The following DNAJC30 variants were observed in gnomAD, a reference collection of about 807,000 sequenced individuals.
DNAJC30 encodes dnaJ homolog subfamily C member 30, mitochondrial.
A neutral mutation model predicts 15.4 loss-of-function variants in DNAJC30; 16 were observed. The ratio of observed to expected loss-of-function variants is 1.04; its 90% CI spans 0.70 to 1.58. DNAJC30 has a LOEUF of 1.58. Ranked by LOEUF, DNAJC30 falls within the 40% of genes most tolerant of loss-of-function variation. The probability of loss-of-function intolerance (pLI) is 0.00; values close to 1 mark genes in which losing one functional copy is unlikely to be tolerated. For missense variants in DNAJC30, 352 were observed against 320.9 expected (o/e 1.10, Z -0.74); for synonymous variants, 161 against 140.2 (o/e 1.15, Z -1.05).
chr7:73,682,659 T>C lies in DNAJC30; in HGVS notation c.*84A>G. The C allele has an allele frequency of 6.7e-7, 1 of 1,491,064 alleles. No individual in the cohort carries two copies. Among genetic ancestry groups the C allele is most frequent in the Non-Finnish European group, 9.0e-7 (1 of 1,115,452 alleles). 92.4% of individuals were successfully genotyped at this position (1,491,064 alleles called of 1,614,324 possible). A position where few individuals can be genotyped will look rare whatever the true frequency, so the allele number is the denominator to read the frequency against. On this transcript the variant is annotated 3_prime_UTR_variant, in exon 1 of 1. Transcript: ENST00000395176. ...TTCGGATCCCAGCAAAGGTAGACTA[T>C]CAATGGCCAAGGGTTCAGAGGCAGG...
At position 73,681,340 on chromosome 7, in the gene DNAJC30, C is replaced by T. The variant is rs944126206; in HGVS notation, c.*1403G>A. 2.0e-4 allele frequency: 30 copies of T among 152,328 alleles called. No homozygotes were observed. Among genetic ancestry groups the T allele is most frequent in the African/African-American group, 6.8e-4 (28 of 41,448 alleles). The allele number at this position is 152,328 out of a possible 1,614,324, so 9.4% of individuals were successfully genotyped here. Reference sequence around the variant, plus strand: ...CCTTTAGCCTGCTCTGCGTAAAGAACCAAGTCTCCACCATGAACACCAAGC... The same window carrying T: ...CCTTTAGCCTGCTCTGCGTAAAGAATCAAGTCTCCACCATGAACACCAAGC... On this transcript the variant is annotated 3_prime_UTR_variant, in exon 1 of 1. Coordinates refer to ENST00000395176, the MANE Select transcript of DNAJC30 (RefSeq NM_032317.3).
At position 73,681,266 on chromosome 7, in the gene DNAJC30, T is replaced by C. The variant is rs781890688; in HGVS notation, c.*1477A>G. ...GCTTCAGCAGCAGCTCTGACCAAAG[T>C]GATGACCAACTACTTAACATGAATT... On this transcript the variant is annotated 3_prime_UTR_variant, in exon 1 of 1. Coordinates refer to ENST00000395176, the MANE Select transcript of DNAJC30 (RefSeq NM_032317.3). 6.6e-6 allele frequency: 1 copy of C among 152,190 alleles called. No individual in the cohort carries two copies. The highest frequency in any genetic ancestry group is 2.4e-5 in the African/African-American group (1 of 41,428). The allele number at this position is 152,190 out of a possible 1,614,324, so 9.4% of individuals were successfully genotyped here. A position where few individuals can be genotyped will look rare whatever the true frequency, so the allele number is the denominator to read the frequency against.
Position 73,682,842 on chromosome 7 carries a change from C to G in DNAJC30, c.582G>C (p.Glu194Asp), listed in dbSNP as rs1554611544. 2 of 1,614,048 alleles carry G rather than the reference C, an allele frequency of 1.2e-6. No individual in the cohort carries two copies. Among genetic ancestry groups the G allele is most frequent in the African/African-American group, 1.3e-5 (1 of 75,082 alleles). The stretch of plus-strand genomic sequence containing the variant: ...AGCGGAGGCCTTTCATGGACCGATA[C>G]TCCTGCCGTTTGCGAAGGGCCTCCC... The part of the protein sequence containing the change: ...ARREALRKRQ[E>D]YRSMKGLRWE... Residue 194 changes from glutamate to aspartate, a missense_variant, in exon 1 of 1, where the codon GAG becomes GAC. Glu to Asp is a conservative substitution (Grantham distance 45). Coordinates refer to ENST00000395176, the MANE Select transcript of DNAJC30 (RefSeq NM_032317.3).
At position 73,682,995 on chromosome 7, in the gene DNAJC30, G is replaced by T. The variant is rs782369574; in HGVS notation, c.429C>A (p.Pro143=). The T allele has an allele frequency of 1.3e-6, 2 of 1,595,668 alleles. No individual in the cohort carries two copies. Among genetic ancestry groups the T allele is most frequent in the Non-Finnish European group, 1.7e-6 (2 of 1,168,874 alleles). Residue 143 remains proline, a synonymous_variant, in exon 1 of 1, where the codon CCC becomes CCA. Coordinates refer to ENST00000395176, the MANE Select transcript of DNAJC30 (RefSeq NM_032317.3). The stretch of plus-strand genomic sequence containing the variant: ...GAGAACCGTCGTGGGTCCGAGAGGT[G>T]GGCGGCGGGGTACGCGGCGAGCCGG... ...PDPGSPRTPP[P]TSRTHDGSRA...
rs1554611282 is a variant in DNAJC30 at position 73,681,662 on chromosome 7, A to G, written c.*1081T>C. 6.6e-6 allele frequency: 1 copy of G among 152,212 alleles called. No individual in the cohort carries two copies. Among genetic ancestry groups the G allele is most frequent in the African/African-American group, 2.4e-5 (1 of 41,464 alleles). The allele number at this position is 152,212 out of a possible 1,614,324, so 9.4% of individuals were successfully genotyped here. The stretch of plus-strand genomic sequence containing the variant: ...GCTGTAATCCCTGTGGATTAGAACT[A>G]TGGATAATAGGGCCGGGAGCAGTGG... On this transcript the variant is annotated 3_prime_UTR_variant, in exon 1 of 1. Transcript: ENST00000395176.
Position 73,682,855 on chromosome 7 carries a change from C to A in DNAJC30, c.569G>T (p.Arg190Leu), listed in dbSNP as rs782615015. The A allele has an allele frequency of 1.9e-6, 3 of 1,614,084 alleles. No homozygotes were observed. In the South Asian group the frequency reaches 3.3e-5, roughly 18 times the overall value. The change falls in exon 1 of 1, where the codon CGC becomes CTC. Residue 190 changes from arginine (R) to leucine (L), a missense_variant. Transcript: ENST00000395176. Reference protein sequence around the residue: ...RRLRARREALRKRQEYRSMKG... With the variant: ...RRLRARREALLKRQEYRSMKG... ...CATGGACCGATACTCCTGCCGTTTG[C>A]GAAGGGCCTCCCGCCGGGCCCTCAG...
chr7:73,682,806 G>C lies in DNAJC30; in HGVS notation c.618C>G (p.Thr206=), dbSNP rs1554611533. The C allele has an allele frequency of 6.2e-7, 1 of 1,613,708 alleles. No homozygotes were observed. The highest frequency in any genetic ancestry group is 8.5e-7 in the Non-Finnish European group (1 of 1,179,752). ...RSMKGLRWED[T]RDTAAIFLIF... is the part of the protein sequence containing the mutation. ...TGAGGAAAATGGCAGCCGTGTCTCG[G>C]GTATCCTCCCAGCGGAGGCCTTTCA... Residue 206 remains threonine (T), a synonymous_variant, in exon 1 of 1, where the codon ACC becomes ACG. Coordinates refer to ENST00000395176, the MANE Select transcript of DNAJC30 (RefSeq NM_032317.3).
chr7:73,682,859 G>C lies in DNAJC30; in HGVS notation c.565C>G (p.Leu189Val). The C allele has an allele frequency of 6.2e-7, 1 of 1,614,090 alleles. No homozygotes were observed. The highest frequency in any genetic ancestry group is 1.1e-5 in the South Asian group (1 of 91,092). ...ERRLRARREA[L>V]RKRQEYRSMK... ...GACCGATACTCCTGCCGTTTGCGAA[G>C]GGCCTCCCGCCGGGCCCTCAGGCGC... is the stretch of plus-strand genomic sequence containing the variant. The change falls in exon 1 of 1, where the codon CTT becomes GTT. Residue 189 changes from leucine (L) to valine (V), a missense_variant. Transcript: ENST00000395176.
Position 73,683,424 on chromosome 7 carries a change from G to T in DNAJC30, c.-1C>A, listed in dbSNP as rs782145030. The T allele has an allele frequency of 1.9e-6, 3 of 1,610,526 alleles. No homozygotes were observed. The South Asian group carries it at 3.3e-5, about 18-fold the overall frequency. ...ACCATCGCCAGCGCATGGCTGCCAT[G>T]TTGAATTGATTCGGCAGGCGGTGCA... On this transcript the variant is annotated 5_prime_UTR_variant, in exon 1 of 1. Coordinates refer to ENST00000395176, the MANE Select transcript of DNAJC30 (RefSeq NM_032317.3).
rs1344228638 is a variant in DNAJC30, at chr7:73,682,538, A to C, written c.*205T>G. 1.8e-6 allele frequency: 1 copy of C among 569,158 alleles called. No homozygotes were observed. The highest frequency in any genetic ancestry group is 3.0e-5 in the East Asian group (1 of 32,998). 35.3% of individuals were successfully genotyped at this position (569,158 alleles called of 1,614,324 possible). On this transcript the variant is annotated 3_prime_UTR_variant, in exon 1 of 1. Transcript: ENST00000395176. ...CTACAGCGTGGGGCCTCTTTCTCAG[A>C]CATCGAAAGGCCTCCTTTTCTGGAC...
chr7:73,682,693 C>T lies in DNAJC30; in HGVS notation c.*50G>A. The stretch of plus-strand genomic sequence containing the variant: ...AAGGGTTCAGAGGCAGGAAAAAAGG[C>T]CGTTTCTGGGGGGTTGGCTGGGGAC... On this transcript the variant is annotated 3_prime_UTR_variant, in exon 1 of 1. Coordinates refer to ENST00000395176, the MANE Select transcript of DNAJC30 (RefSeq NM_032317.3). The T allele has an allele frequency of 1.3e-6, 2 of 1,543,502 alleles. No individual in the cohort carries two copies. Among genetic ancestry groups the T allele is most frequent in the African/African-American group, 2.8e-5 (2 of 72,434 alleles).
Position 73,683,326 on chromosome 7 carries a change from A to C in DNAJC30, c.98T>G (p.Leu33Arg), listed in dbSNP as rs1554611821. Residue 33 changes from leucine to arginine, a missense_variant, in exon 1 of 1, where the codon CTA (leucine) becomes CGA (arginine). Physicochemically the swap from Leu to Arg is moderately radical, Grantham distance 102. Transcript: ENST00000395176. Reference sequence around the variant, plus strand: ...GCCCTGGGAATAAGTCCTCGCTCCTAGGCCCAGGCTGGGTGCAGAATTTTG... The same window carrying C: ...GCCCTGGGAATAAGTCCTCGCTCCTCGGCCCAGGCTGGGTGCAGAATTTTG... The part of the protein sequence containing the change: ...FPQNSAPSLG[L>R]GARTYSQGDC... The C allele has an allele frequency of 6.2e-7, 1 of 1,613,750 alleles. No homozygotes were observed. The highest frequency in any genetic ancestry group is 1.1e-5 in the South Asian group (1 of 91,088).
At position 73,683,403 on chromosome 7, in the gene DNAJC30, T is replaced by A. The variant is rs782324380; in HGVS notation, c.21A>T (p.Arg7=). The A allele has an allele frequency of 5.0e-6, 8 of 1,611,986 alleles. No homozygotes were observed. The highest frequency in any genetic ancestry group is 1.3e-5 in the African/African-American group (1 of 74,888). Residue 7 remains arginine (R), a synonymous_variant, in exon 1 of 1, where the codon CGA becomes CGT. Coordinates refer to ENST00000395176, the MANE Select transcript of DNAJC30 (RefSeq NM_032317.3). MAAMRW[R]WWQRLLPWRL... ...TCCAAGGTAACAGCCGCTGCCACCA[T>A]CGCCAGCGCATGGCTGCCATGTTGA... is the stretch of plus-strand genomic sequence containing the variant.
chr7:73,682,530 T>C lies in DNAJC30; in HGVS notation c.*213A>G, dbSNP rs1255213369. 12 of 552,736 alleles carry C rather than the reference T, an allele frequency of 2.2e-5. No individual in the cohort carries two copies. The highest frequency in any genetic ancestry group is 3.7e-5 in the Non-Finnish European group (12 of 325,984). 34.2% of individuals were successfully genotyped at this position (552,736 alleles called of 1,614,324 possible). On this transcript the variant is annotated 3_prime_UTR_variant, in exon 1 of 1. Coordinates refer to ENST00000395176, the MANE Select transcript of DNAJC30 (RefSeq NM_032317.3). ...TCGGGACTCTACAGCGTGGGGCCTC[T>C]TTCTCAGACATCGAAAGGCCTCCTT... is the stretch of plus-strand genomic sequence containing the variant.
chr7:73,682,567 A>G lies in DNAJC30; in HGVS notation c.*176T>C. ...CGAAAGGCCTCCTTTTCTGGACCAC[A>G]GTGGAGCGATGTGCAGGTCATCGGC... On this transcript the variant is annotated 3_prime_UTR_variant, in exon 1 of 1. Coordinates refer to ENST00000395176, the MANE Select transcript of DNAJC30 (RefSeq NM_032317.3). 8 of 694,794 alleles carry G rather than the reference A, an allele frequency of 1.2e-5. No homozygotes were observed. In the South Asian group the frequency reaches 1.9e-4, roughly 16 times the overall value. 43.0% of individuals were successfully genotyped at this position (694,794 alleles called of 1,614,324 possible). A position where few individuals can be genotyped will look rare whatever the true frequency, so the allele number is the denominator to read the frequency against.
In DNAJC30 at chr7:73,682,440, G is replaced by A; in HGVS notation, c.*303C>T. 3 of 286,134 alleles carry A rather than the reference G, an allele frequency of 1.0e-5. No homozygotes were observed. The highest frequency in any genetic ancestry group is 2.0e-5 in the Non-Finnish European group (3 of 152,968). The allele number at this position is 286,134 out of a possible 1,614,324, so 17.7% of individuals were successfully genotyped here. A position where few individuals can be genotyped will look rare whatever the true frequency, so the allele number is the denominator to read the frequency against. On this transcript the variant is annotated 3_prime_UTR_variant, in exon 1 of 1. Transcript: ENST00000395176. The stretch of plus-strand genomic sequence containing the variant: ...TTCCAGAAGTTGACCACATCTGGAA[G>A]CAAGAAGACAGACTCTGGAAGAAGC...
Position 73,682,912 on chromosome 7 carries a change from T to TG in DNAJC30, c.511dup (p.His171ProfsTer110). On this transcript the variant is annotated frameshift_variant, in exon 1 of 1. Transcript: ENST00000395176. LOFTEE classifies it high-confidence loss of function. ...TTCCCGCTCCAGTTGTTCCCCGTAG[T>TG]GGGCCTGGTAGAAGGCGTCAAAGTT... 1 of 1,613,994 alleles carries TG rather than the reference T, an allele frequency of 6.2e-7. No individual in the cohort carries two copies. The highest frequency in any genetic ancestry group is 1.1e-5 in the South Asian group (1 of 91,086).
Position 73,682,722 on chromosome 7 carries a change from CCCCTT to C in DNAJC30, c.*16_*20del. On this transcript the variant is annotated 3_prime_UTR_variant, in exon 1 of 1. Transcript: ENST00000395176. ...TTCTGGGGGGTTGGCTGGGGACACT[CCCCTT>C]CCCTTCTCTCTCCGATTAAATATAA... 6.3e-7 allele frequency: 1 copy of C among 1,587,476 alleles called. No homozygotes were observed. Among genetic ancestry groups the C allele is most frequent in the Admixed American group, 1.8e-5 (1 of 56,914 alleles).
rs1797703410 is a variant in DNAJC30, at chr7:73,681,395, T to G, written c.*1348A>C. The stretch of plus-strand genomic sequence containing the variant: ...AACTCCCCGTCCCTCAGTAGTCCTG[T>G]GTACTCCCAAAGCCCCAAAATTTAC... On this transcript the variant is annotated 3_prime_UTR_variant, in exon 1 of 1. Coordinates refer to ENST00000395176, the MANE Select transcript of DNAJC30 (RefSeq NM_032317.3). The G allele has an allele frequency of 6.6e-6, 1 of 152,332 alleles. No homozygotes were observed. Among genetic ancestry groups the G allele is most frequent in the South Asian group, 2.1e-4 (1 of 4,830 alleles). 9.4% of individuals were successfully genotyped at this position (152,332 alleles called of 1,614,324 possible).
Sources: allele counts gnomAD v4.1 joint callset, GRCh38; gene constraint gnomAD v4.1.1; transcripts MANE v1.5; gene names NCBI Gene and HGNC (gene_info 2026-07-23, HGNC 2026-07-21).